Variants in OXR1 observed in about 807,000 individuals in gnomAD.
OXR1 encodes the protein oxidation resistance 1.
A neutral mutation model predicts 104.6 loss-of-function variants in OXR1; 41 were observed. That is an observed-to-expected ratio of 0.39 (90% CI 0.31 to 0.51). The LOEUF is 0.51. Ranked by LOEUF, OXR1 falls within the 20% of genes least tolerant of loss-of-function variation. OXR1 has a pLI of 0.77. For missense variants in OXR1, 955 were observed against 1,031.9 expected, an observed-to-expected ratio of 0.93 and a Z score of 1.02; for synonymous variants, 348 against 348.4, an observed-to-expected ratio of 1.00 and a Z score of 0.01.
chr8:106,380,787 C>T (rs1586586404), intron 2 of OXR1, among the ~76,000 whole-genome samples: 1 of 152,054 alleles, frequency 6.6e-6, no homozygotes, highest in East Asian at 1.9e-4. Context: ...ATTTTTTGCT[C>T]ATATTTTACT....
intron 1 of OXR1, among the ~76,000 whole-genome samples, chr8:106,294,395 CAA>C (rs1200997871): frequency 5.7e-5 from 4 of 70,370 alleles, no homozygotes; most frequent in Non-Finnish European, 5.3e-5. Context: ...GACTCTGTCT[CAA>C]AAAAAAAAAA....
intron 1 of OXR1, among the ~76,000 whole-genome samples, chr8:106,318,715 T>A (rs1453393279): frequency 6.6e-6 from 1 of 152,232 alleles, no homozygotes; most frequent in East Asian, 1.9e-4. Context: ...CTGGCTCCTT[T>A]GTTCATATCA....
chr8:106,347,324 C>T (rs888918594), intron 1 of OXR1, among the ~76,000 whole-genome samples: 1 of 152,128 alleles, frequency 6.6e-6, no homozygotes, highest in Non-Finnish European at 1.5e-5. Flanking sequence ...TGCAATATGC[C>T]CTAACAAATA....
At chr8:106,736,730 C>T (rs946485923) in intron 11 of OXR1, among the ~76,000 whole-genome samples, 10 of 152,042 alleles carry the variant, frequency 6.6e-5, no homozygotes, top group Middle Eastern at 3.4e-3. Flanking sequence ...TGTGCAAGAG[C>T]CTGGTCTAGG....
chr8:106,629,441 A>G (rs1281277593), intron 3 of OXR1, among the ~76,000 whole-genome samples: 2 of 152,240 alleles, frequency 1.3e-5, no homozygotes, highest in African/African-American at 2.4e-5. Context: ...TCTTCTGACT[A>G]CTCGTCTAGG....
chr8:106,689,764 T>C (rs1490060796), intron 6 of OXR1, among the ~76,000 whole-genome samples: 1 of 151,928 alleles, frequency 6.6e-6, no homozygotes. Flanking sequence ...TTTAAAAACG[T>C]CTCTTTTTTA....
At chr8:106,691,443 GTGCTT>G (rs570358840) in intron 6 of OXR1, among the ~76,000 whole-genome samples, 8 of 151,512 alleles carry the variant, frequency 5.3e-5, no homozygotes, top group Non-Finnish European at 1.0e-4. Flanking sequence ...CTCCTTTTTT[GTGCTT>G]TGCTTTGAGC....
chr8:106,726,121 AG>A, intron 11 of OXR1: 2 of 1,403,222 alleles, frequency 1.4e-6, no homozygotes, highest in Non-Finnish European at 1.8e-6. Flanking sequence ...CTTTGTCTCT[AG>A]CAAACTGTTT....
At chr8:106,329,761 C>T (rs1586531009) in intron 1 of OXR1, among the ~76,000 whole-genome samples, 1 of 152,180 alleles carries the variant, frequency 6.6e-6, no homozygotes, top group African/African-American at 2.4e-5. Flanking sequence ...TCACATCCCC[C>T]TACCTATGAG....
chr8:106,534,953 G>GT (rs377629189), intron 3 of OXR1, among the ~76,000 whole-genome samples: 64 of 151,880 alleles, frequency 4.2e-4, no homozygotes, highest in African/African-American at 1.4e-3. Flanking sequence ...CTAGCACGAG[G>GT]TTTTTTTTGT....
chr8:106,739,435 A>G, intron 12 of OXR1, 23 bp from the exon 13 acceptor site: 2 of 1,602,360 alleles, frequency 1.2e-6, no homozygotes, highest in East Asian at 2.2e-5. Context: ...ACATTAATGC[A>G]CTACCTCTAT....
At chr8:106,627,487 A>T (rs1822271624) in intron 3 of OXR1, among the ~76,000 whole-genome samples, 1 of 152,120 alleles carries the variant, frequency 6.6e-6, no homozygotes, top group Non-Finnish European at 1.5e-5. Flanking sequence ...GAGATATTCT[A>T]TATTTGTGTT....
At chr8:106,750,670 G>C (rs1175889836) in intron 16 of OXR1, 136 bp from the exon 17 acceptor site, 1 of 608,642 alleles carries the variant, frequency 1.6e-6, no homozygotes, top group Non-Finnish European at 2.8e-6. Context: ...AAACAAAATT[G>C]TGTCAGTGTG....
At chr8:106,346,420 G>A (rs907738569) in intron 1 of OXR1, among the ~76,000 whole-genome samples, 5 of 152,126 alleles carry the variant, frequency 3.3e-5, no homozygotes, top group Non-Finnish European at 7.4e-5. Context: ...GAAGCATTCA[G>A]TCATTTTTCA....
intron 3 of OXR1, among the ~76,000 whole-genome samples, chr8:106,665,199 TCACACACACACACACGCA>T (rs1826153628): frequency 6.6e-6 from 1 of 150,798 alleles, no homozygotes; most frequent in South Asian, 2.1e-4. Context: ...CAGGGCACAG[TCACACACACACACACGCA>T]CACAAACACA....
chr8:106,474,541 A>G (rs2129679168), intron 2 of OXR1, among the ~76,000 whole-genome samples: 1 of 152,058 alleles, frequency 6.6e-6, no homozygotes, highest in South Asian at 2.1e-4. Flanking sequence ...AAGTTGAAAA[A>G]AAAACAAAAG....
chr8:106,452,048 A>T (rs954507744), intron 2 of OXR1, among the ~76,000 whole-genome samples: 2 of 152,176 alleles, frequency 1.3e-5, no homozygotes, highest in Non-Finnish European at 2.9e-5. Flanking sequence ...AGGCTAGCCG[A>T]CATATTGTAT....
chr8:106,530,193 C>T (rs1015791962), intron 3 of OXR1, among the ~76,000 whole-genome samples: 1 of 152,134 alleles, frequency 6.6e-6, no homozygotes, highest in Non-Finnish European at 1.5e-5. Context: ...ATTTAAAGAG[C>T]TTCTAGGATC....
intron 3 of OXR1, among the ~76,000 whole-genome samples, chr8:106,578,182 C>G (rs567388449): frequency 6.6e-6 from 1 of 152,288 alleles, no homozygotes; most frequent in African/African-American, 2.4e-5. Flanking sequence ...TTATCAGCAG[C>G]CATGTGCAGG....
Sources: allele counts gnomAD v4.1 joint callset (sites outside exome capture counted in the v4.1 genomes callset), GRCh38; gene constraint gnomAD v4.1.1; transcripts MANE v1.5; gene names NCBI Gene and HGNC (gene_info 2026-07-23, HGNC 2026-07-21).